Variants in ABCG5 observed in about 807,000 individuals in gnomAD.
The protein encoded by ABCG5 is ATP binding cassette subfamily G member 5.
A neutral mutation model predicts 64.5 loss-of-function variants in ABCG5; 64 were observed. That is an observed-to-expected ratio of 0.99 (90% CI 0.81 to 1.22). The LOEUF (loss-of-function observed/expected upper bound fraction) is 1.22, where lower values mean the gene tolerates loss of function less well. Ranked by LOEUF, ABCG5 falls within the 50% of genes most tolerant of loss-of-function variation. The pLI is 0.00. For missense variants in ABCG5, 908 were observed against 829.5 expected (o/e 1.09, Z -1.16); for synonymous variants, 385 against 326.3 (o/e 1.18, Z -1.94).
downstream of ABCG5, chr2:43,809,800 T>C: frequency 6.3e-7 from 1 of 1,579,746 alleles, no homozygotes; most frequent in Non-Finnish European, 8.6e-7. Context: ...TTATTTCTTC[T>C]TTTCCAAATA....
At chr2:43,828,661 C>CTAAAA (rs1275563739) in intron 4 of ABCG5, among the ~76,000 whole-genome samples, 13 of 151,634 alleles carry the variant, frequency 8.6e-5, no homozygotes, top group East Asian at 3.9e-4. Flanking sequence ...GACCCTGTCT[C>CTAAAA]TAAAATAAAA....
rs897344189 is a variant in ABCG5, at chr2:43,824,054, T to A, written c.1183A>T (p.Ile395Phe). The change falls in exon 9 of 13, where the codon ATC becomes TTC. Residue 395 changes from isoleucine (I) to phenylalanine (F), a missense_variant. By Grantham distance (21) the Ile-to-Phe change is conservative (BLOSUM62 0). Coordinates refer to ENST00000405322, the MANE Select transcript of ABCG5 (RefSeq NM_022436.3). ...AAGAAAAGGAGGAACAAACCCATGATCAGATTCTGAAGGAGACGCGTAATC... is the reference window on the plus strand; with the variant it reads ...AAGAAAAGGAGGAACAAACCCATGAACAGATTCTGAAGGAGACGCGTAATC... ...AVITRLLQNL[I>F]MGLFLLFFVL... The A allele has an allele frequency of 6.2e-7, 1 of 1,614,102 alleles. No individual in the cohort carries two copies. The highest frequency in any genetic ancestry group is 1.7e-5 in the Admixed American group (1 of 60,008).
rs765168105 is a variant in ABCG5, at chr2:43,823,944, C to T, written c.1293G>A (p.Pro431=). ...TCACAGCGTTCAGCATGCCTGTGTA[C>T]GGGGTGGCGCCCACAAACTGGTAAA... is the stretch of plus-strand genomic sequence containing the variant. ...GLLYQFVGAT[P]YTGMLNAVNL... Residue 431 remains proline, a synonymous_variant, in exon 9 of 13, where the codon CCG becomes CCA. Coordinates refer to ENST00000405322, the MANE Select transcript of ABCG5 (RefSeq NM_022436.3). 139 of 1,614,044 alleles carry T rather than the reference C, an allele frequency of 8.6e-5. No homozygotes were observed. Among genetic ancestry groups the T allele is most frequent in the Non-Finnish European group, 1.1e-4 (134 of 1,180,030 alleles).
At chr2:43,826,660 G>A in intron 5 of ABCG5, 139 bp from the exon 6 acceptor site, 5 of 1,352,834 alleles carry the variant, frequency 3.7e-6, no homozygotes, top group Non-Finnish European at 5.2e-6. Flanking sequence ...CATGTAAACT[G>A]GCTTTCAGCC....
At chr2:43,823,350 G>A (rs1241406215) in intron 9 of ABCG5, among the ~76,000 whole-genome samples, 2 of 126,028 alleles carry the variant, frequency 1.6e-5, no homozygotes, top group Admixed American at 1.0e-4. Flanking sequence ...CCCCACAGAT[G>A]CAGACACTTA....
At position 43,829,289 on chromosome 2, in the gene ABCG5, C is replaced by T. The variant is rs554312184; in HGVS notation, c.502-1174G>A. Among the ~76,000 whole-genome samples the T allele has an allele frequency of 9.8e-5, 15 of 152,328 alleles. No individual in the cohort carries two copies. The South Asian group carries it at 3.1e-3, about 32-fold the overall frequency. On this transcript the variant is annotated intron_variant, in intron 4 of 12. Coordinates refer to ENST00000405322, the MANE Select transcript of ABCG5 (RefSeq NM_022436.3). ...ATAAGTGCTGGGGTCCCATGTGGTA[C>T]AATCTCAGTGTGAGTCCACATCAAA... is the stretch of plus-strand genomic sequence containing the variant.
chr2:43,838,908 G>C (rs113921045), upstream of ABCG5: 865 of 1,174,290 alleles, frequency 7.4e-4, 1 homozygote, highest in Middle Eastern at 5.2e-3. The surrounding 1 kb of genome is among the most constrained non-coding windows in gnomAD (Gnocchi z 4.2). Flanking sequence ...AGGTGGGCTT[G>C]CCAGCAAGGA....
intron 4 of ABCG5, chr2:43,828,363 C>T (rs1362304331): frequency 1.9e-6 from 1 of 515,790 alleles, no homozygotes; most frequent in African/African-American, 2.0e-5. Context: ...AGGCTGGGTG[C>T]AGTGGCTCAT....
At chr2:43,811,331 C>G (rs995626692), downstream of ABCG5, among the ~76,000 whole-genome samples, 1 of 152,146 alleles carries the variant, frequency 6.6e-6, no homozygotes, top group Admixed American at 6.5e-5. Flanking sequence ...CCAATGCCTC[C>G]ACATCCTTAA....
downstream of ABCG5, chr2:43,810,657 G>A (rs995041956): frequency 1.2e-5 from 4 of 342,776 alleles, no homozygotes; most frequent in African/African-American, 8.9e-5. Flanking sequence ...CAGATAGCAA[G>A]CCATCTGCTT....
intron 11 of ABCG5, among the ~76,000 whole-genome samples, chr2:43,818,443 C>A (rs1666985979): frequency 6.6e-6 from 1 of 151,826 alleles, no homozygotes; most frequent in African/African-American, 2.4e-5. Context: ...AACTGTGTTT[C>A]AAAAAAACAA....
intron 10 of ABCG5, among the ~76,000 whole-genome samples, chr2:43,820,306 C>T (rs1667105267): frequency 6.6e-6 from 1 of 152,224 alleles, no homozygotes; most frequent in African/African-American, 2.4e-5. Context: ...GGCTGCAACT[C>T]ATTGGGAGCC....
At chr2:43,822,973 C>A in intron 9 of ABCG5, 38 bp from the exon 10 acceptor site, 1 of 1,611,274 alleles carries the variant, frequency 6.2e-7, no homozygotes, top group South Asian at 1.1e-5. Flanking sequence ...AGTCAGTCAC[C>A]ACCCAGCTGA....
intron 2 of ABCG5, among the ~76,000 whole-genome samples, chr2:43,836,877 A>C (rs1048075480): frequency 4.6e-5 from 7 of 152,116 alleles, no homozygotes; most frequent in African/African-American, 1.7e-4. Flanking sequence ...AAAAAAAGAT[A>C]AAAATAAAAA....
intron 9 of ABCG5, 30 bp from the exon 10 acceptor site, chr2:43,822,965 T>C (rs751419096): frequency 1.2e-6 from 2 of 1,612,254 alleles, no homozygotes; most frequent in African/African-American, 1.3e-5. Context: ...TTCAGAACAG[T>C]CAGTCACCAC....
At chr2:43,833,333 T>A (rs1470997384) in intron 2 of ABCG5, among the ~76,000 whole-genome samples, 1 of 151,668 alleles carries the variant, frequency 6.6e-6, no homozygotes, top group Non-Finnish European at 1.5e-5. Flanking sequence ...TGAGATGGCT[T>A]GTGCAGAGCC....
At chr2:43,835,533 C>G (rs1668209353) in intron 2 of ABCG5, among the ~76,000 whole-genome samples, 1 of 152,158 alleles carries the variant, frequency 6.6e-6, no homozygotes, top group African/African-American at 2.4e-5. Flanking sequence ...GAAATAAGAA[C>G]TGACAAAGTC....
chr2:43,814,039 G>A (rs1290105085), intron 12 of ABCG5, among the ~76,000 whole-genome samples: 1 of 152,066 alleles, frequency 6.6e-6, no homozygotes, highest in Non-Finnish European at 1.5e-5. Flanking sequence ...TAATGGCCAT[G>A]AGGTCCTTGT....
At chr2:43,830,789 G>C (rs1396692737) in intron 4 of ABCG5, among the ~76,000 whole-genome samples, 2 of 152,244 alleles carry the variant, frequency 1.3e-5, no homozygotes, top group Non-Finnish European at 2.9e-5. Flanking sequence ...AAATGAAGCA[G>C]TTTCCAGGTA....
Sources: allele counts gnomAD v4.1 joint callset (sites outside exome capture counted in the v4.1 genomes callset), GRCh38; gene constraint gnomAD v4.1.1; non-coding constraint Gnocchi (gnomAD v3.1); transcripts MANE v1.5; gene names NCBI Gene and HGNC (gene_info 2026-07-23, HGNC 2026-07-21).